CROCC: variants seen among roughly 807,000 people sequenced by gnomAD.
CROCC encodes rootletin.
A neutral mutation model predicts 245.2 loss-of-function variants in CROCC; 180 were observed. That is an observed-to-expected ratio of 0.73 (90% CI 0.65 to 0.83). CROCC has a LOEUF of 0.83. CROCC is among the 40% of genes least tolerant of loss of function. The probability of loss-of-function intolerance (pLI) is 0.00; values close to 1 mark genes in which losing one functional copy is unlikely to be tolerated. For synonymous variants in CROCC, 1,205 were observed against 1,241.6 expected (o/e 0.97, Z 0.62); for missense variants, 2,688 against 2,779.4 (o/e 0.97, Z 0.74).
In CROCC at chr1:16,939,115, C is replaced by G. The variant is rs756642435; in HGVS notation, c.1581C>G (p.Ala527=). ...DSSTLALIHS[A]LHKRQLQVQD... Reference sequence around the variant, plus strand: ...CCACGCTCGCCCTGATCCACTCCGCCCTGCACAAGCGCCAGCTGCAGGTCC... The same window carrying G: ...CCACGCTCGCCCTGATCCACTCCGCGCTGCACAAGCGCCAGCTGCAGGTCC... Residue 527 remains alanine, a synonymous_variant, in exon 12 of 37, where the codon GCC becomes GCG. Transcript: ENST00000375541. The G allele has an allele frequency of 6.5e-7, 1 of 1,546,260 alleles. No individual in the cohort carries two copies.
Position 16,929,884 on chromosome 1 carries a change from G to T in CROCC, c.390G>T (p.Glu130Asp). ...QALRLEPGEL[E>D]TQEPRGLVRQ... ...TGCGGCTGGAGCCTGGGGAGCTGGAGACGCAGGAGCCCAGGGGGCTGGTAC... is the reference window on the plus strand; with the variant it reads ...TGCGGCTGGAGCCTGGGGAGCTGGATACGCAGGAGCCCAGGGGGCTGGTAC... The change falls in exon 4 of 37, where the codon GAG (glutamate) becomes GAT (aspartate). Residue 130 changes from glutamate (E) to aspartate (D), a missense_variant. Around this residue, in one of 9 missense-constraint regions of CROCC, gnomAD observed 972 missense variants for 895.3 expected, o/e 1.09. Transcript: ENST00000375541. 1 of 1,583,624 alleles carries T rather than the reference G, an allele frequency of 6.3e-7. No homozygotes were observed. Among genetic ancestry groups the T allele is most frequent in the Non-Finnish European group, 8.6e-7 (1 of 1,168,580 alleles).
chr1:16,934,651 T>C (rs2075748771), intron 8 of CROCC, among the ~76,000 whole-genome samples: 1 of 152,262 alleles, frequency 6.6e-6, no homozygotes, highest in Non-Finnish European at 1.5e-5. Context: ...TTAAAATTTT[T>C]ATATTTTACT....
rs1477190687 is a variant in CROCC, at chr1:16,946,885, G to T, written c.2408G>T (p.Gly803Val). 31 of 1,562,810 alleles carry T rather than the reference G, an allele frequency of 2.0e-5. No individual in the cohort carries two copies. Among genetic ancestry groups the T allele is most frequent in the Non-Finnish European group, 2.6e-5 (30 of 1,153,848 alleles). Residue 803 changes from glycine to valine, a missense_variant, in exon 17 of 37, where the codon GGC (glycine) becomes GTC (valine). Around this residue, in one of 9 missense-constraint regions of CROCC, gnomAD observed 295 missense variants for 241.7 expected, o/e 1.22. Transcript: ENST00000375541. ...LRLEQEVARQ[G>V]LEGSLRVAEQ... ...TTGGAGCAGGAGGTGGCGCGGCAGG[G>T]CCTGGAGGGCTCCCTACGAGTGGCG...
chr1:16,966,387 C>A lies in CROCC; in HGVS notation c.4697-21C>A. On this transcript the variant is annotated intron_variant, in intron 29 of 36. Transcript: ENST00000375541. This position sits in a 1 kb window ranked among gnomAD's most constrained non-coding sequence, Gnocchi z 4.8. ...CGGGGCTGTGCTTGGCCATGCCTGA[C>A]GGGGTGGGTGGTGGCTACAGCCCGG... 1 of 1,504,788 alleles carries A rather than the reference C, an allele frequency of 6.6e-7. No individual in the cohort carries two copies. The allele number at this position is 1,504,788 out of a possible 1,614,324, so 93.2% of individuals were successfully genotyped here.
chr1:16,943,292 C>A (rs1358695298), intron 13 of CROCC, among the ~76,000 whole-genome samples: 2 of 151,622 alleles, frequency 1.3e-5, no homozygotes, highest in Non-Finnish European at 2.9e-5. Flanking sequence ...AATCCCAGCA[C>A]TTTGGGAGGC....
Position 16,951,002 on chromosome 1 carries a change from C to T in CROCC, c.2886C>T (p.Ala962=), listed in dbSNP as rs2076150515. The change falls in exon 20 of 37, where the codon GCC becomes GCT. Residue 962 remains alanine (A), a synonymous_variant. Transcript: ENST00000375541. ...RQQIIATQEK[A]SLDKELMAQK... Reference sequence around the variant, plus strand: ...AAATAATAGCTACACAGGAGAAAGCCAGTCTAGACAAGGAGCTGATGGCCC... The same window carrying T: ...AAATAATAGCTACACAGGAGAAAGCTAGTCTAGACAAGGAGCTGATGGCCC... 6.2e-7 allele frequency: 1 copy of T among 1,602,476 alleles called. No individual in the cohort carries two copies. Among genetic ancestry groups the T allele is most frequent in the Admixed American group, 1.7e-5 (1 of 58,136 alleles).
intron 13 of CROCC, among the ~76,000 whole-genome samples, chr1:16,941,610 T>C (rs1461135517): frequency 6.6e-6 from 1 of 152,012 alleles, no homozygotes; most frequent in Non-Finnish European, 1.5e-5. Context: ...CAGGCACCTA[T>C]AGTCCCAGCT....
chr1:16,945,324 C>A, intron 14 of CROCC, 138 bp from the exon 15 acceptor site: 1 of 1,255,098 alleles, frequency 8.0e-7, no homozygotes. Context: ...CGGTAGTGGG[C>A]TTGGTTGCCC....
At position 16,955,486 on chromosome 1, in the gene CROCC, G is replaced by T; in HGVS notation, c.3640G>T (p.Ala1214Ser). ...SLGEGAKERE[A>S]LRRSNEELRS... ...GGGCGAGGGTGCCAAGGAGCGCGAGGCCCTGCGGCGTTCCAATGAGGAGCT... is the reference window on the plus strand; with the variant it reads ...GGGCGAGGGTGCCAAGGAGCGCGAGTCCCTGCGGCGTTCCAATGAGGAGCT... The change falls in exon 24 of 37, where the codon GCC (alanine) becomes TCC (serine). Residue 1214 changes from alanine to serine, a missense_variant. Coordinates refer to ENST00000375541, the MANE Select transcript of CROCC (RefSeq NM_014675.5). 1 of 1,580,720 alleles carries T rather than the reference G, an allele frequency of 6.3e-7. No individual in the cohort carries two copies.
intron 8 of CROCC, among the ~76,000 whole-genome samples, chr1:16,934,422 C>A (rs2075744727): frequency 6.6e-6 from 1 of 152,266 alleles, no homozygotes. Context: ...ACCTCAGCCA[C>A]CCAAGTAGCT....
In CROCC at chr1:16,922,805, C is replaced by G. The variant is rs759399630; in HGVS notation, c.196+7C>G. On this transcript the variant is annotated splice_region_variant and intron_variant, in intron 2 of 36. Transcript: ENST00000375541. ...TCCCAGCCTGAGAGCCCAGGTGCCACCCCCATCCGCTCCCCTCCACAAACA... is the reference window on the plus strand; with the variant it reads ...TCCCAGCCTGAGAGCCCAGGTGCCAGCCCCATCCGCTCCCCTCCACAAACA... 21 of 1,609,682 alleles carry G rather than the reference C, an allele frequency of 1.3e-5. No homozygotes were observed. In the East Asian group the frequency reaches 4.7e-4, roughly 36 times the overall value.
At chr1:16,919,625 T>C (rs1411850688), upstream of CROCC, among the ~76,000 whole-genome samples, 3 of 152,298 alleles carry the variant, frequency 2.0e-5, no homozygotes, top group Non-Finnish European at 4.4e-5. Context: ...TGTCCTTTTT[T>C]AGGGCTTACA....
intron 11 of CROCC, among the ~76,000 whole-genome samples, 161 bp downstream of exon 11, chr1:16,938,644 T>TG (rs1256021044): frequency 1.3e-5 from 2 of 152,284 alleles, no homozygotes; most frequent in African/African-American, 4.8e-5. Flanking sequence ...GCCTCTGCCT[T>TG]GGGGAGCCCC....
chr1:16,929,068 C>G (rs1038497601), intron 3 of CROCC, among the ~76,000 whole-genome samples: 5 of 152,250 alleles, frequency 3.3e-5, no homozygotes, highest in African/African-American at 1.2e-4. Context: ...TTCAAGTGAT[C>G]TACCCGCCTT....
chr1:16,923,381 G>A (rs2075453219), intron 2 of CROCC, among the ~76,000 whole-genome samples: 1 of 152,288 alleles, frequency 6.6e-6, no homozygotes, highest in Non-Finnish European at 1.5e-5. Context: ...CTCCTTGGGA[G>A]CGCCAGGGAT....
intron 25 of CROCC, 145 bp from the exon 26 acceptor site, chr1:16,958,438 G>A: frequency 2.0e-6 from 2 of 986,556 alleles, no homozygotes; most frequent in East Asian, 2.6e-5. Flanking sequence ...GTTCAGTGTG[G>A]TTGTGTAGGG....
upstream of CROCC, among the ~76,000 whole-genome samples, chr1:16,918,171 T>G (rs570438966): frequency 1.3e-5 from 2 of 149,356 alleles, no homozygotes; most frequent in East Asian, 3.9e-4. Flanking sequence ...ATGAGGAAAC[T>G]GAAGCTCAGA....
chr1:16,971,199 TATG>T (rs2076511442), intron 35 of CROCC, among the ~76,000 whole-genome samples: 2 of 147,008 alleles, frequency 1.4e-5, no homozygotes, highest in African/African-American at 5.0e-5. Flanking sequence ...TGCCTGTGTG[TATG>T]ATGTCTGAGT....
chr1:16,938,544 A>T, intron 11 of CROCC, 61 bp downstream of exon 11: 1 of 1,462,272 alleles, frequency 6.8e-7, no homozygotes, highest in East Asian at 2.5e-5. Flanking sequence ...CTCCCCCGCC[A>T]CGTCTTTCGG....
Sources: gnomAD v4.1 joint callset for allele counts (sites outside exome capture counted in the v4.1 genomes callset) on GRCh38, gnomAD v4.1.1 for gene constraint, gnomAD v4.1.1 regional missense constraint, Gnocchi (gnomAD v3.1) non-coding constraint, MANE v1.5 for transcripts, NCBI Gene and HGNC (gene_info 2026-07-23, HGNC 2026-07-21) for gene names.